Variants in CSRP1 observed in about 807,000 individuals in gnomAD.
CSRP1 encodes the protein cysteine and glycine-rich protein 1.
In CSRP1, 16 loss-of-function variants were observed where a neutral mutation model predicts 25.4. The observed-to-expected ratio is 0.63, with a 90% CI of 0.43 to 0.96. The LOEUF is 0.96. CSRP1 is among the 40% of genes least tolerant of loss of function. The pLI, the probability that CSRP1 is intolerant of heterozygous loss-of-function variation, is 0.00. For missense variants in CSRP1, 212 were observed against 243.6 expected, an observed-to-expected ratio of 0.87 and a Z score of 0.86; for synonymous variants, 97 against 95.3, an observed-to-expected ratio of 1.02 and a Z score of -0.10.
chr1:201,496,544 T>G (rs1664521088), intron 1 of CSRP1: 1 of 546,626 alleles, frequency 1.8e-6, no homozygotes, highest in South Asian at 2.0e-5. Flanking sequence ...CTGCTGCATT[T>G]TCAGCCCTGT....
chr1:201,496,684 G>A (rs1664525632), intron 1 of CSRP1: 1 of 224,216 alleles, frequency 4.5e-6, no homozygotes, highest in Non-Finnish European at 8.8e-6. Flanking sequence ...GAATGTGGAA[G>A]AAGCAGACAG....
intron 4 of CSRP1, 169 bp from the exon 5 acceptor site, chr1:201,485,545 G>A: frequency 3.3e-6 from 2 of 612,670 alleles, no homozygotes; most frequent in Non-Finnish European, 5.8e-6. Flanking sequence ...GCAGTAGAGG[G>A]AGAAGGCCAG....
At chr1:201,499,895 T>C (rs993923557) in intron 1 of CSRP1, among the ~76,000 whole-genome samples, 1 of 152,124 alleles carries the variant, frequency 6.6e-6, no homozygotes, top group Non-Finnish European at 1.5e-5. Flanking sequence ...GTGCTGGGAT[T>C]ATAGGCATGA....
chr1:201,486,508 G>C, intron 4 of CSRP1: 1 of 985,614 alleles, frequency 1.0e-6, no homozygotes, highest in Non-Finnish European at 1.2e-6. Flanking sequence ...CTCCTCCAGA[G>C]AGCTGAAATG....
Position 201,507,098 on chromosome 1 carries a change from G to T in CSRP1, c.-30C>A, listed in dbSNP as rs1285341080. 2.0e-5 allele frequency: 3 copies of T among 152,234 alleles called. No homozygotes were observed. The highest frequency in any genetic ancestry group is 4.4e-5 in the Non-Finnish European group (3 of 68,070). The allele number at this position is 152,234 out of a possible 1,614,324, so 9.4% of individuals were successfully genotyped here. Reference sequence around the variant, plus strand: ...GCAGCTGGCTCGGCGGCGCAGGGGCGGCAGGCGCTCTCGGAAGTGGCGGCT... The same window carrying T: ...GCAGCTGGCTCGGCGGCGCAGGGGCTGCAGGCGCTCTCGGAAGTGGCGGCT... On this transcript the variant is annotated 5_prime_UTR_variant, in exon 1 of 6. Transcript: ENST00000340006.
chr1:201,496,481 C>A, intron 1 of CSRP1, 177 bp from the exon 2 acceptor site: 1 of 617,438 alleles, frequency 1.6e-6, no homozygotes, highest in Non-Finnish European at 2.9e-6. Flanking sequence ...CAGCCTCGCA[C>A]GTTCTCGGGG....
chr1:201,485,485 T>A, intron 4 of CSRP1, 109 bp from the exon 5 acceptor site: 1 of 935,922 alleles, frequency 1.1e-6, no homozygotes, highest in Non-Finnish European at 1.7e-6. Context: ...AAGCCACTTC[T>A]GAAGTCTACT....
At chr1:201,494,291 G>C (rs921585119) in intron 2 of CSRP1, among the ~76,000 whole-genome samples, 2 of 152,048 alleles carry the variant, frequency 1.3e-5, no homozygotes, top group Non-Finnish European at 2.9e-5. Flanking sequence ...GACCCCTTAT[G>C]GTCAGTGATT....
At chr1:201,493,941 C>T (rs758905926) in intron 2 of CSRP1, among the ~76,000 whole-genome samples, 1 of 152,206 alleles carries the variant, frequency 6.6e-6, no homozygotes, top group Non-Finnish European at 1.5e-5. Context: ...GATGAATGAG[C>T]AAGTTGTGGA....
chr1:201,494,130 A>G (rs1219282780), intron 2 of CSRP1, among the ~76,000 whole-genome samples: 2 of 151,646 alleles, frequency 1.3e-5, no homozygotes, highest in Non-Finnish European at 2.9e-5. Context: ...ACTTTCTACA[A>G]CTGTTTCTCA....
At chr1:201,493,056 A>T (rs1184715346) in intron 2 of CSRP1, among the ~76,000 whole-genome samples, 5 of 152,168 alleles carry the variant, frequency 3.3e-5, no homozygotes, top group Admixed American at 3.3e-4. Flanking sequence ...CCCAGCAGGG[A>T]GCTGGGTACA....
intron 2 of CSRP1, among the ~76,000 whole-genome samples, chr1:201,494,829 T>C (rs74508233): frequency 0.13 from 18,524 of 140,566 alleles, 1,821 homozygotes; most frequent in East Asian, 0.54. Flanking sequence ...GCAGTGTGCG[T>C]GTGTGTGTGT....
intron 1 of CSRP1, among the ~76,000 whole-genome samples, chr1:201,500,217 T>C (rs1034488573): frequency 6.6e-6 from 1 of 152,152 alleles, no homozygotes; most frequent in Non-Finnish European, 1.5e-5. Flanking sequence ...GCAGGGGACA[T>C]ACTCAGGCCC....
intron 4 of CSRP1, chr1:201,486,286 C>T (rs974347517): frequency 2.6e-5 from 25 of 953,058 alleles, no homozygotes; most frequent in Admixed American, 6.2e-5. Flanking sequence ...CAGACTTCTC[C>T]GCAGCCAGTT....
chr1:201,494,216 C>T (rs1664429740), intron 2 of CSRP1, among the ~76,000 whole-genome samples: 1 of 152,122 alleles, frequency 6.6e-6, no homozygotes, highest in South Asian at 2.1e-4. Context: ...CCTGACTTCC[C>T]TCAACCCTCT....
intron 2 of CSRP1, among the ~76,000 whole-genome samples, chr1:201,495,133 C>T (rs1664470232): frequency 6.6e-6 from 1 of 152,226 alleles, no homozygotes; most frequent in Admixed American, 6.5e-5. Context: ...CAGTGGCTCA[C>T]ACCTGTAATC....
At position 201,484,745 on chromosome 1, in the gene CSRP1, G is replaced by A. The variant is rs11550379; in HGVS notation, c.550C>T (p.Gln184Ter). Residue 184 changes from glutamine to a stop codon, truncating the protein, a stop_gained, in exon 6 of 6, where the codon CAA becomes TAA. Coordinates refer to ENST00000340006, the MANE Select transcript of CSRP1 (RefSeq NM_004078.3). LOFTEE classifies it high-confidence loss of function. ...NFGPKGFGFG[Q>*]GAGALVHSE ...GAGTGGACCAAGGCCCCAGCTCCTT[G>A]CCCAAAACCAAAGCCCTTGGGCCCG... 1 of 1,611,974 alleles carries A rather than the reference G, an allele frequency of 6.2e-7. No homozygotes were observed. Among genetic ancestry groups the A allele is most frequent in the Non-Finnish European group, 8.5e-7 (1 of 1,179,622 alleles).
intron 2 of CSRP1, among the ~76,000 whole-genome samples, chr1:201,495,063 T>C (rs1664466854): frequency 6.6e-6 from 1 of 152,216 alleles, no homozygotes; most frequent in Non-Finnish European, 1.5e-5. Context: ...CTTTTTTAAC[T>C]AAGACATTCT....
At chr1:201,489,141 A>C in intron 3 of CSRP1, 157 bp from the exon 4 acceptor site, 1 of 815,178 alleles carries the variant, frequency 1.2e-6, no homozygotes, top group African/African-American at 1.7e-5. Context: ...GTCATCTCCC[A>C]TTTTACAGAT....
Sources: gnomAD v4.1 joint callset for allele counts (sites outside exome capture counted in the v4.1 genomes callset) on GRCh38, gnomAD v4.1.1 for gene constraint, MANE v1.5 for transcripts, NCBI Gene and HGNC (gene_info 2026-07-23, HGNC 2026-07-21) for gene names.